CHTF8: variants seen among roughly 807,000 people sequenced by gnomAD.
CHTF8 encodes the protein chromosome transmission fidelity factor 8, also known as chromosome transmission fidelity protein 8 homolog.
A neutral mutation model predicts 11.0 loss-of-function variants in CHTF8; 6 were observed. The observed-to-expected ratio is 0.55, with a 90% CI of 0.30 to 1.08. CHTF8 has a LOEUF of 1.08. Ranked by LOEUF, CHTF8 falls within the 50% of genes least tolerant of loss-of-function variation. The pLI is 0.07. For synonymous variants in CHTF8, 53 were observed against 60.5 expected, an observed-to-expected ratio of 0.88 and a Z score of 0.57; for missense variants, 140 against 153.1, an observed-to-expected ratio of 0.91 and a Z score of 0.45.
At position 69,119,912 on chromosome 16, in the gene CHTF8, C is replaced by T. The variant is rs552450835; in HGVS notation, c.*513G>A. 68 of 702,544 alleles carry T rather than the reference C, an allele frequency of 9.7e-5. No homozygotes were observed. In the Middle Eastern group the frequency reaches 1.0e-3, roughly 10 times the overall value. The allele number at this position is 702,544 out of a possible 1,614,324, so 43.5% of individuals were successfully genotyped here. A position where few individuals can be genotyped will look rare whatever the true frequency, so the allele number is the denominator to read the frequency against. On this transcript the variant is annotated 3_prime_UTR_variant, in exon 4 of 4. Coordinates refer to ENST00000448552, the MANE Select transcript of CHTF8 (RefSeq NM_001039690.5). Reference sequence around the variant, plus strand: ...GATCCAGGGCCCATGGGACCACCACCTCTGGGGTCAGGACCTGCTCCCAGG... The same window carrying T: ...GATCCAGGGCCCATGGGACCACCACTTCTGGGGTCAGGACCTGCTCCCAGG...
rs1961291194 is a variant in CHTF8, at chr16:69,118,099, GCA to G, written c.*2324_*2325del. ...ATCCTTGCACACCAGGCCGAACAAAGCACAGTGATTTCTTCCCTTCATCCCCC... is the reference window on the plus strand; with the variant it reads ...ATCCTTGCACACCAGGCCGAACAAAGCAGTGATTTCTTCCCTTCATCCCCC... On this transcript the variant is annotated 3_prime_UTR_variant, in exon 4 of 4. Transcript: ENST00000448552. 1.1e-5 allele frequency: 6 copies of G among 549,712 alleles called. No individual in the cohort carries two copies. Among genetic ancestry groups the G allele is most frequent in the Non-Finnish European group, 2.0e-5 (6 of 306,048 alleles). 34.1% of individuals were successfully genotyped at this position (549,712 alleles called of 1,614,324 possible). A position where few individuals can be genotyped will look rare whatever the true frequency, so the allele number is the denominator to read the frequency against.
intron 1 of CHTF8, among the ~76,000 whole-genome samples, chr16:69,127,829 C>T (rs981098756): frequency 3.3e-5 from 5 of 151,872 alleles, no homozygotes; most frequent in African/African-American, 9.7e-5. Flanking sequence ...AGGCTAGTCT[C>T]GAACTCCTGA....
chr16:69,129,682 C>A (rs1361465830), intron 1 of CHTF8, among the ~76,000 whole-genome samples: 1 of 152,160 alleles, frequency 6.6e-6, no homozygotes, highest in Non-Finnish European at 1.5e-5. Context: ...GAACCCTAAC[C>A]CCTCCACAAT....
At position 69,119,579 on chromosome 16, in the gene CHTF8, G is replaced by A; in HGVS notation, c.*846C>T. 1 of 702,360 alleles carries A rather than the reference G, an allele frequency of 1.4e-6. No individual in the cohort carries two copies. The highest frequency in any genetic ancestry group is 2.6e-6 in the Non-Finnish European group (1 of 384,616). The allele number at this position is 702,360 out of a possible 1,614,324, so 43.5% of individuals were successfully genotyped here. On this transcript the variant is annotated 3_prime_UTR_variant, in exon 4 of 4. Coordinates refer to ENST00000448552, the MANE Select transcript of CHTF8 (RefSeq NM_001039690.5). ...AAAGAAGCTGAATTTGCTCCTAAAA[G>A]ACCTGCTGCTCTTAGAATGGGGGCA...
chr16:69,130,967 CA>C (rs1435023665), intron 1 of CHTF8, among the ~76,000 whole-genome samples: 1 of 152,116 alleles, frequency 6.6e-6, no homozygotes, highest in African/African-American at 2.4e-5. Context: ...GCCTTTCTAC[CA>C]AGTGAACAAC....
At position 69,119,735 on chromosome 16, in the gene CHTF8, G is replaced by A. The variant is rs1431636239; in HGVS notation, c.*690C>T. On this transcript the variant is annotated 3_prime_UTR_variant, in exon 4 of 4. Coordinates refer to ENST00000448552, the MANE Select transcript of CHTF8 (RefSeq NM_001039690.5). ...GGTCTTGGGTTGGGCCCAAGGCCTG[G>A]GCCTGGAAACACACCTGACCTGGGG... is the stretch of plus-strand genomic sequence containing the variant. 3 of 691,216 alleles carry A rather than the reference G, an allele frequency of 4.3e-6. No individual in the cohort carries two copies. Among genetic ancestry groups the A allele is most frequent in the African/African-American group, 1.8e-5 (1 of 56,860 alleles). 42.8% of individuals were successfully genotyped at this position (691,216 alleles called of 1,614,324 possible). A position where few individuals can be genotyped will look rare whatever the true frequency, so the allele number is the denominator to read the frequency against.
At chr16:69,122,920 C>T (rs1050217598) in intron 1 of CHTF8, among the ~76,000 whole-genome samples, 4 of 152,130 alleles carry the variant, frequency 2.6e-5, no homozygotes, top group East Asian at 3.9e-4. Flanking sequence ...CTCAGGTGAT[C>T]CACCCACCTC....
chr16:69,127,178 CAG>C (rs1245949921), intron 1 of CHTF8, among the ~76,000 whole-genome samples: 1 of 150,692 alleles, frequency 6.6e-6, no homozygotes, highest in Non-Finnish European at 1.5e-5. Flanking sequence ...GCGGAGGCTG[CAG>C]TGAGCTGAGA....
chr16:69,129,327 G>A (rs1286203507), intron 1 of CHTF8, among the ~76,000 whole-genome samples: 1 of 151,228 alleles, frequency 6.6e-6, no homozygotes, highest in East Asian at 1.9e-4. Context: ...CTACTCAGGA[G>A]GCTGAGGCAG....
chr16:69,120,723 C>A lies in CHTF8; in HGVS notation c.142-74G>T. The A allele has an allele frequency of 2.3e-6, 3 of 1,331,018 alleles. 1 individual carries two copies. Among genetic ancestry groups the A allele is most frequent in the South Asian group, 2.6e-5 (2 of 75,970 alleles). The allele number at this position is 1,331,018 out of a possible 1,614,324, so 82.5% of individuals were successfully genotyped here. A position where few individuals can be genotyped will look rare whatever the true frequency, so the allele number is the denominator to read the frequency against. The stretch of plus-strand genomic sequence containing the variant: ...AACACTCAGGCGCCTCCTAAAGCTG[C>A]TCTTGGCAGGCTATGCTGGCACCTC... On this transcript the variant is annotated intron_variant, in intron 3 of 3. Transcript: ENST00000448552. This position sits in a 1 kb window ranked among gnomAD's most constrained non-coding sequence, Gnocchi z 4.0.
rs1597109657 is a variant in CHTF8, at chr16:69,120,974, C to T, written c.141+79G>A. ...TGAATAACAAACCTGAGGCAGTCCT[C>T]ACTCTGGGTCCTGGGAGCACCACCT... On this transcript the variant is annotated intron_variant, in intron 3 of 3. Coordinates refer to ENST00000448552, the MANE Select transcript of CHTF8 (RefSeq NM_001039690.5). The surrounding 1 kb of genome is among the most constrained non-coding windows in gnomAD (Gnocchi z 4.0). The T allele has an allele frequency of 8.3e-7, 1 of 1,209,566 alleles. No homozygotes were observed. Among genetic ancestry groups the T allele is most frequent in the Non-Finnish European group, 1.2e-6 (1 of 810,524 alleles). 74.9% of individuals were successfully genotyped at this position (1,209,566 alleles called of 1,614,324 possible). A position where few individuals can be genotyped will look rare whatever the true frequency, so the allele number is the denominator to read the frequency against.
chr16:69,121,071 G>A lies in CHTF8; in HGVS notation c.123C>T (p.Asp41=), dbSNP rs1381748443. ...CCCTCACCTCAGTGGTGTAATGTAG[G>A]TCTCCCAGGAGGTTTCCAGCTAATC... ...STGLAGNLLG[D]LHYTTEGIPV... Residue 41 remains aspartate, a synonymous_variant, in exon 3 of 4, where the codon GAC becomes GAT. Coordinates refer to ENST00000448552, the MANE Select transcript of CHTF8 (RefSeq NM_001039690.5). The A allele has an allele frequency of 1.3e-5, 21 of 1,613,914 alleles. No homozygotes were observed. The highest frequency in any genetic ancestry group is 1.8e-5 in the Non-Finnish European group (21 of 1,179,858).
intron 1 of CHTF8, among the ~76,000 whole-genome samples, chr16:69,128,762 G>A (rs1037253353): frequency 1.3e-5 from 2 of 151,936 alleles, no homozygotes; most frequent in African/African-American, 4.8e-5. Context: ...TTTGAAATTA[G>A]TAACTATTAT....
At position 69,119,052 on chromosome 16, in the gene CHTF8, G is replaced by A; in HGVS notation, c.*1373C>T. ...TTGGCCTTGTGAAAGGAGCTGGGTTGATACCCACAGGGCCAGCTGGAGAAG... is the reference window on the plus strand; with the variant it reads ...TTGGCCTTGTGAAAGGAGCTGGGTTAATACCCACAGGGCCAGCTGGAGAAG... On this transcript the variant is annotated 3_prime_UTR_variant, in exon 4 of 4. Transcript: ENST00000448552. The A allele has an allele frequency of 1.4e-6, 1 of 703,046 alleles. No individual in the cohort carries two copies. Among genetic ancestry groups the A allele is most frequent in the Non-Finnish European group, 2.6e-6 (1 of 385,022 alleles). The allele number at this position is 703,046 out of a possible 1,614,324, so 43.6% of individuals were successfully genotyped here. A position where few individuals can be genotyped will look rare whatever the true frequency, so the allele number is the denominator to read the frequency against.
chr16:69,120,907 A>G lies in CHTF8; in HGVS notation c.141+146T>C, dbSNP rs1299900885. 2 of 810,080 alleles carry G rather than the reference A, an allele frequency of 2.5e-6. No individual in the cohort carries two copies. The highest frequency in any genetic ancestry group is 1.7e-5 in the African/African-American group (1 of 59,606). 50.2% of individuals were successfully genotyped at this position (810,080 alleles called of 1,614,324 possible). On this transcript the variant is annotated intron_variant, in intron 3 of 3. Transcript: ENST00000448552. This position sits in a 1 kb window ranked among gnomAD's most constrained non-coding sequence, Gnocchi z 4.0. ...TAAATTTCCCTGCTACTGCAGAGGTAGGGGGAGAACAAGCAGAGAGCATCG... is the reference window on the plus strand; with the variant it reads ...TAAATTTCCCTGCTACTGCAGAGGTGGGGGGAGAACAAGCAGAGAGCATCG...
In CHTF8 at chr16:69,120,320, C is replaced by T. The variant is rs759357846; in HGVS notation, c.*105G>A. 7 of 1,111,954 alleles carry T rather than the reference C, an allele frequency of 6.3e-6. No individual in the cohort carries two copies. Among genetic ancestry groups the T allele is most frequent in the Admixed American group, 5.6e-5 (3 of 53,778 alleles). 68.9% of individuals were successfully genotyped at this position (1,111,954 alleles called of 1,614,324 possible). ...CCCAGTGGGTGGCCTGTGTTCAGAA[C>T]AGGACCCCCCTGTGGTCCCAGGGAA... On this transcript the variant is annotated 3_prime_UTR_variant, in exon 4 of 4. Coordinates refer to ENST00000448552, the MANE Select transcript of CHTF8 (RefSeq NM_001039690.5). This position sits in a 1 kb window ranked among gnomAD's most constrained non-coding sequence, Gnocchi z 4.0.
At chr16:69,131,398 T>G (rs1962500951) in intron 1 of CHTF8, 1 of 152,106 alleles carries the variant, frequency 6.6e-6, no homozygotes, top group South Asian at 2.1e-4. Flanking sequence ...TAGCCTGTCC[T>G]CCTCTTAATG....
At position 69,121,125 on chromosome 16, in the gene CHTF8, C is replaced by A; in HGVS notation, c.69G>T (p.Gln23His). 1 of 1,613,714 alleles carries A rather than the reference C, an allele frequency of 6.2e-7. No homozygotes were observed. Among genetic ancestry groups the A allele is most frequent in the Non-Finnish European group, 8.5e-7 (1 of 1,180,028 alleles). The change falls in exon 3 of 4, where the codon CAG (glutamine) becomes CAT (histidine). Residue 23 changes from glutamine (Q) to histidine (H), a missense_variant. By Grantham distance (24) the Gln-to-His change is conservative. Coordinates refer to ENST00000448552, the MANE Select transcript of CHTF8 (RefSeq NM_001039690.5). Reference sequence around the variant, plus strand: ...TGCTGTAGCGAGCCTCGATCTCCCCCTGTAGCTCCATCAGCACCCATTCTG... The same window carrying A: ...TGCTGTAGCGAGCCTCGATCTCCCCATGTAGCTCCATCAGCACCCATTCTG... ...GLAEWVLMEL[Q>H]GEIEARYSTG...
At chr16:69,128,868 A>G (rs534619256) in intron 1 of CHTF8, among the ~76,000 whole-genome samples, 1 of 152,222 alleles carries the variant, frequency 6.6e-6, no homozygotes, top group East Asian at 1.9e-4. Context: ...GTTCGAAATC[A>G]GCTTGACCAA....
Sources: gnomAD v4.1 joint callset for allele counts (sites outside exome capture counted in the v4.1 genomes callset) on GRCh38, gnomAD v4.1.1 for gene constraint, Gnocchi (gnomAD v3.1) non-coding constraint, MANE v1.5 for transcripts, NCBI Gene and HGNC (gene_info 2026-07-23, HGNC 2026-07-21) for gene names.